UTP14A: variants seen among roughly 807,000 people sequenced by gnomAD.
UTP14A encodes the protein U3 small nucleolar RNA-associated protein 14 homolog A.
In UTP14A, 5 loss-of-function variants were observed where a neutral mutation model predicts 57.2. That is an observed-to-expected ratio of 0.09 (90% CI 0.05 to 0.18). The LOEUF is 0.18. Among genes scored for constraint, UTP14A ranks in the 10% least tolerant of loss-of-function variants. The pLI is 1.00. For synonymous variants in UTP14A, 169 were observed against 210.9 expected (o/e 0.80, Z 1.72); for missense variants, 430 against 562.1 (o/e 0.76, Z 2.38).
chrX:129,912,966 T>C (rs1437680845), intron 6 of UTP14A, among the ~76,000 whole-genome samples: 2 of 112,059 alleles, frequency 1.8e-5, no homozygotes, highest in Non-Finnish European at 3.8e-5. Context: ...AGTTATGCTC[T>C]TGGCAAAATT....
intron 6 of UTP14A, among the ~76,000 whole-genome samples, chrX:129,915,685 T>C (rs1473377145): frequency 9.0e-6 from 1 of 110,966 alleles, no homozygotes; most frequent in Non-Finnish European, 1.9e-5. Flanking sequence ...AGAAATGTGT[T>C]TGGGGAAGAG....
chrX:129,919,130 T>C (rs750163166), intron 6 of UTP14A, 45 bp from the exon 7 acceptor site: 1 of 1,210,703 alleles, frequency 8.3e-7, no homozygotes, highest in Admixed American at 2.2e-5. Context: ...GAGAAAGCTG[T>C]AAGAGCATGG....
At chrX:129,908,813 G>A (rs1366952874) in intron 4 of UTP14A, 79 bp downstream of exon 4, 10 of 981,057 alleles carry the variant, frequency 1.0e-5, no homozygotes, top group Non-Finnish European at 1.4e-5. Flanking sequence ...ACCCCCCCTA[G>A]GAACTGTTTT....
At chrX:129,923,334 G>C (rs1353806426) in intron 11 of UTP14A, among the ~76,000 whole-genome samples, 1 of 112,384 alleles carries the variant, frequency 8.9e-6, no homozygotes, top group Non-Finnish European at 1.9e-5. Flanking sequence ...GGAGTGCAGT[G>C]GTGCAACCTC....
At chrX:129,928,753 C>CA (rs1409187968) in intron 14 of UTP14A, among the ~76,000 whole-genome samples, 1 of 108,068 alleles carries the variant, frequency 9.3e-6, no homozygotes, top group Non-Finnish European at 1.9e-5. Context: ...GACTCCGTCT[C>CA]AAAAAACAAA....
intron 1 of UTP14A, 128 bp downstream of exon 1, chrX:129,906,364 C>G: frequency 1.6e-6 from 1 of 642,879 alleles, no homozygotes. Flanking sequence ...CCATTCGTTC[C>G]TATTTTCCGC....
chrX:129,910,947 A>G, intron 4 of UTP14A, 61 bp from the exon 5 acceptor site: 1 of 1,182,688 alleles, frequency 8.5e-7, no homozygotes, highest in Non-Finnish European at 1.1e-6. Flanking sequence ...GCTTCTCCCT[A>G]CATTATATTG....
At chrX:129,919,367 G>A (rs1252008596) in intron 7 of UTP14A, 28 bp from the exon 8 acceptor site, 1 of 1,211,480 alleles carries the variant, frequency 8.3e-7, no homozygotes, top group Non-Finnish European at 1.1e-6. Flanking sequence ...TCTGGCCCAG[G>A]TGTCACTGTA....
intron 4 of UTP14A, among the ~76,000 whole-genome samples, chrX:129,910,571 T>G (rs1929430232): frequency 9.0e-6 from 1 of 111,470 alleles, no homozygotes; most frequent in African/African-American, 3.3e-5. Flanking sequence ...GCGCCTATAG[T>G]GCCAGCTACT....
At chrX:129,909,026 AT>A (rs752808742) in intron 4 of UTP14A, among the ~76,000 whole-genome samples, 117 of 111,602 alleles carry the variant, frequency 1.0e-3, no homozygotes, top group African/African-American at 3.5e-3. Flanking sequence ...CATAATTCAT[AT>A]TTGTACAATT....
chrX:129,921,139 G>A, intron 10 of UTP14A, 55 bp from the exon 11 acceptor site: 1 of 1,154,900 alleles, frequency 8.7e-7, no homozygotes, highest in Non-Finnish European at 1.1e-6. Flanking sequence ...GACCAGGAAA[G>A]GTGTTATTGC....
chrX:129,910,545 C>G (rs1929428371), intron 4 of UTP14A, among the ~76,000 whole-genome samples: 1 of 111,522 alleles, frequency 9.0e-6, no homozygotes, highest in African/African-American at 3.3e-5. Flanking sequence ...AAAAAATTAA[C>G]CACGCGTGGT....
intron 6 of UTP14A, 62 bp from the exon 7 acceptor site, chrX:129,919,113 G>A: frequency 8.3e-7 from 1 of 1,205,675 alleles, no homozygotes; most frequent in Non-Finnish European, 1.1e-6. Flanking sequence ...TCATAGGAAT[G>A]TAAAGAGAGA....
At chrX:129,928,241 C>A (rs1930176944) in intron 14 of UTP14A, among the ~76,000 whole-genome samples, 1 of 106,740 alleles carries the variant, frequency 9.4e-6, no homozygotes. Context: ...AAAAATTAGC[C>A]AGGCATGGTG....
At position 129,925,220 on chromosome X, in the gene UTP14A, C is replaced by T. The variant is rs201278007; in HGVS notation, c.1749+25C>T. The T allele has an allele frequency of 1.3e-4, 155 of 1,188,813 alleles. 3 individuals are homozygous for T. Among genetic ancestry groups the T allele is most frequent in the East Asian group, 1.1e-3 (36 of 33,609 alleles). ...GGTGAGCAGAGCCAGGGTGGTGGGC[C>T]ATTGTTCAGAAAGTGTCGTTCTTGC... On this transcript the variant is annotated intron_variant, in intron 12 of 14. Transcript: ENST00000394422.
intron 6 of UTP14A, among the ~76,000 whole-genome samples, chrX:129,915,255 G>T (rs966270798): frequency 1.8e-5 from 2 of 111,272 alleles, no homozygotes; most frequent in African/African-American, 6.5e-5. Flanking sequence ...GCCGGGCGTG[G>T]TGGCTCACGC....
At chrX:129,924,195 C>T (rs1309777648) in intron 11 of UTP14A, among the ~76,000 whole-genome samples, 1 of 110,490 alleles carries the variant, frequency 9.1e-6, no homozygotes, top group Non-Finnish European at 1.9e-5. Flanking sequence ...TGGTCTCGAA[C>T]TCCTGGGCTC....
At chrX:129,907,620 G>GA (rs1301853013) in intron 2 of UTP14A, among the ~76,000 whole-genome samples, 178 bp downstream of exon 2, 1 of 112,315 alleles carries the variant, frequency 8.9e-6, no homozygotes, top group African/African-American at 3.2e-5. Flanking sequence ...TGGAAACTAA[G>GA]TTACAATCAC....
rs373210342 is a variant in UTP14A at position 129,909,340 on chromosome X, T to G, written c.238+606T>G. ...TTCTCCTTCCTCAGCCTCCCGAGTA[T>G]CTGGGACTACAGGTGCCCGCCACCG... is the stretch of plus-strand genomic sequence containing the variant. On this transcript the variant is annotated intron_variant, in intron 4 of 14. Coordinates refer to ENST00000394422, the MANE Select transcript of UTP14A (RefSeq NM_006649.4). Among the ~76,000 whole-genome samples the G allele has an allele frequency of 2.8e-3, 303 of 109,003 alleles. 4 individuals are homozygous for G. Among genetic ancestry groups the G allele is most frequent in the African/African-American group, 9.1e-3 (272 of 29,921 alleles). The allele number at this position is 109,003 out of a possible 115,157, so 94.7% of individuals were successfully genotyped here.
Sources: allele counts gnomAD v4.1 joint callset (sites outside exome capture counted in the v4.1 genomes callset), GRCh38; gene constraint gnomAD v4.1.1; transcripts MANE v1.5; gene names NCBI Gene and HGNC (gene_info 2026-07-23, HGNC 2026-07-21).